The following CACNA2D3 variants were observed in gnomAD, a reference collection of about 807,000 sequenced individuals.
The protein encoded by CACNA2D3 is voltage-dependent calcium channel subunit alpha-2/delta-3.
In CACNA2D3, 60 loss-of-function variants were observed where a neutral mutation model predicts 160.6. The ratio of observed to expected loss-of-function variants is 0.37; its 90% CI spans 0.30 to 0.46. The LOEUF (loss-of-function observed/expected upper bound fraction) is 0.46, where lower values mean the gene tolerates loss of function less well. CACNA2D3 is among the 20% of genes least tolerant of loss of function. CACNA2D3 has a pLI of 1.00. For missense variants in CACNA2D3, 1,205 were observed against 1,365.0 expected (o/e 0.88, Z 1.85); for synonymous variants, 558 against 492.9 (o/e 1.13, Z -1.75).
At chr3:54,836,806 T>G (rs1698701081) in intron 14 of CACNA2D3, among the ~76,000 whole-genome samples, 1 of 152,124 alleles carries the variant, frequency 6.6e-6, no homozygotes, top group Non-Finnish European at 1.5e-5. Context: ...GAAGCACTCT[T>G]AAGAAACATA....
At chr3:54,776,963 T>G (rs141978296) in intron 13 of CACNA2D3, among the ~76,000 whole-genome samples, 1 of 152,344 alleles carries the variant, frequency 6.6e-6, no homozygotes, top group African/African-American at 2.4e-5. Context: ...TTTGGGTAAC[T>G]TAACTTCTCA....
At chr3:54,612,693 G>T (rs535930635) in intron 9 of CACNA2D3, among the ~76,000 whole-genome samples, 3 of 152,158 alleles carry the variant, frequency 2.0e-5, no homozygotes, top group African/African-American at 7.2e-5. Context: ...AGTAGATAAG[G>T]TCCAGGGCGC....
chr3:54,373,025 C>T (rs564515952), intron 3 of CACNA2D3, among the ~76,000 whole-genome samples: 65 of 152,340 alleles, frequency 4.3e-4, no homozygotes, highest in Admixed American at 8.5e-4. Flanking sequence ...TCCTATCATG[C>T]CAGTGCTGGT....
At chr3:54,292,191 A>G (rs1703224427) in intron 2 of CACNA2D3, among the ~76,000 whole-genome samples, 1 of 152,226 alleles carries the variant, frequency 6.6e-6, no homozygotes, top group African/African-American at 2.4e-5. Context: ...TGTTAGACCA[A>G]AGGCCCAAAT....
intron 31 of CACNA2D3, among the ~76,000 whole-genome samples, chr3:54,993,551 A>T (rs1323437973): frequency 6.6e-6 from 1 of 152,240 alleles, no homozygotes; most frequent in Non-Finnish European, 1.5e-5. Flanking sequence ...CCAAGGAAAG[A>T]GCAAGAGCCT....
intron 13 of CACNA2D3, among the ~76,000 whole-genome samples, chr3:54,774,099 T>C (rs925588672): frequency 6.6e-6 from 1 of 152,172 alleles, no homozygotes; most frequent in African/African-American, 2.4e-5. Flanking sequence ...CAGCTTCCAG[T>C]GCAAAGTGGG....
rs754534524 is a variant in CACNA2D3 at position 54,896,720 on chromosome 3, ATGT to A, written c.2247-27_2247-25del. The A allele has an allele frequency of 4.3e-6, 7 of 1,613,914 alleles. No homozygotes were observed. In the South Asian group the frequency reaches 6.6e-5, roughly 15 times the overall value. On this transcript the variant is annotated intron_variant, in intron 25 of 37. Transcript: ENST00000474759. ...CCACCTTTACTCTGCTGAGTGATGC[ATGT>A]TCTTCTGATTCTTTTCCACTTCAAG...
chr3:54,830,688 C>T (rs1247391093), intron 14 of CACNA2D3, among the ~76,000 whole-genome samples: 1 of 152,006 alleles, frequency 6.6e-6, no homozygotes, highest in Admixed American at 6.6e-5. Flanking sequence ...CTCCCAACCT[C>T]AGGTGATCCG....
At chr3:54,401,093 T>C (rs551618204) in intron 4 of CACNA2D3, among the ~76,000 whole-genome samples, 1 of 151,760 alleles carries the variant, frequency 6.6e-6, no homozygotes, top group East Asian at 1.9e-4. Flanking sequence ...ATTCAATGAA[T>C]GAAATAAAAA....
At chr3:54,268,200 T>C (rs893032486) in intron 2 of CACNA2D3, among the ~76,000 whole-genome samples, 3 of 152,186 alleles carry the variant, frequency 2.0e-5, no homozygotes, top group Admixed American at 6.5e-5. Context: ...AAGAAGCTAC[T>C]GCTCACGTGA....
chr3:54,968,063 A>G (rs757853112), intron 27 of CACNA2D3, among the ~76,000 whole-genome samples: 11 of 152,174 alleles, frequency 7.2e-5, no homozygotes, highest in Non-Finnish European at 1.2e-4. Context: ...CATTTTAGAC[A>G]TGCAAGTTCA....
intron 27 of CACNA2D3, among the ~76,000 whole-genome samples, chr3:54,949,183 A>C (rs1231324738): frequency 3.3e-5 from 5 of 152,124 alleles, no homozygotes; most frequent in African/African-American, 9.7e-5. Context: ...TCCTTGATAT[A>C]GTTTTGGTCA....
chr3:54,530,750 T>G (rs1025821191), intron 5 of CACNA2D3, among the ~76,000 whole-genome samples: 69 of 152,284 alleles, frequency 4.5e-4, no homozygotes, highest in African/African-American at 1.6e-3. Context: ...TGGCTGAGGG[T>G]TACACAGCCC....
At chr3:54,527,482 G>A (rs906178413) in intron 5 of CACNA2D3, among the ~76,000 whole-genome samples, 6 of 152,156 alleles carry the variant, frequency 3.9e-5, no homozygotes, top group African/African-American at 9.7e-5. Context: ...TGGAAGGGGA[G>A]TAGTAGCCTC....
rs114981515 is a variant in CACNA2D3 at position 55,072,160 on chromosome 3, A to G, written c.2988-1285A>G. ...GCCAGATATAGTTCTAGACAAGAGT[A>G]GGAAGAGCAGAGAGTAGGTGTCCCA... is the stretch of plus-strand genomic sequence containing the variant. On this transcript the variant is annotated intron_variant, in intron 35 of 37. Transcript: ENST00000474759. Among the ~76,000 whole-genome samples the G allele has an allele frequency of 3.4e-3, 511 of 152,324 alleles. 2 individuals are homozygous for G. Among genetic ancestry groups the G allele is most frequent in the African/African-American group, 0.011 (477 of 41,576 alleles).
intron 11 of CACNA2D3, among the ~76,000 whole-genome samples, chr3:54,750,426 A>G (rs1251652546): frequency 6.6e-6 from 1 of 152,198 alleles, no homozygotes; most frequent in Non-Finnish European, 1.5e-5. Context: ...GATTTATGAG[A>G]AAGCATGGGT....
At chr3:54,228,474 A>G (rs376834588) in intron 2 of CACNA2D3, among the ~76,000 whole-genome samples, 1 of 152,348 alleles carries the variant, frequency 6.6e-6, no homozygotes, top group South Asian at 2.1e-4. Flanking sequence ...TTAAACAAGT[A>G]TTTATTGACT....
intron 2 of CACNA2D3, among the ~76,000 whole-genome samples, chr3:54,205,509 T>G (rs1457862531): frequency 6.6e-6 from 1 of 152,204 alleles, no homozygotes; most frequent in African/African-American, 2.4e-5. Context: ...ATGGCCAGTG[T>G]TTACATTATT....
intron 2 of CACNA2D3, among the ~76,000 whole-genome samples, chr3:54,318,722 C>T (rs1703923104): frequency 7.3e-6 from 1 of 136,502 alleles, no homozygotes; most frequent in East Asian, 2.2e-4. Flanking sequence ...TGAGACAAGG[C>T]CTTACTGTGT....
Sources: gnomAD v4.1 joint callset for allele counts (sites outside exome capture counted in the v4.1 genomes callset) on GRCh38, gnomAD v4.1.1 for gene constraint, MANE v1.5 for transcripts, NCBI Gene and HGNC (gene_info 2026-07-23, HGNC 2026-07-21) for gene names.